Variants in WDTC1 observed in about 807,000 individuals in gnomAD.
WDTC1 encodes WD and tetratricopeptide repeats protein 1.
WDTC1 carries 12 observed loss-of-function variants against 76.0 expected under a neutral mutation model. The ratio of observed to expected loss-of-function variants is 0.16; its 90% CI spans 0.10 to 0.26. WDTC1 has a LOEUF of 0.26. Ranked by LOEUF, WDTC1 falls within the 10% of genes least tolerant of loss-of-function variation. The probability of loss-of-function intolerance (pLI) is 1.00; values close to 1 mark genes in which losing one functional copy is unlikely to be tolerated. For missense variants in WDTC1, 511 were observed against 908.8 expected (o/e 0.56, Z 5.63); for synonymous variants, 326 against 350.8 (o/e 0.93, Z 0.79).
chr1:27,243,430 C>T (rs965570030), intron 1 of WDTC1, among the ~76,000 whole-genome samples: 21 of 152,014 alleles, frequency 1.4e-4, no homozygotes, highest in African/African-American at 4.8e-4. Flanking sequence ...CCAGGCTGGT[C>T]TGGAACTCCT....
At chr1:27,289,117 G>T (rs1326147393) in intron 6 of WDTC1, among the ~76,000 whole-genome samples, 6 of 148,774 alleles carry the variant, frequency 4.0e-5, no homozygotes. Flanking sequence ...GGGGCGGCTG[G>T]CTGGGCAGAG....
chr1:27,260,833 C>T, intron 1 of WDTC1, 123 bp from the exon 2 acceptor site: 1 of 590,980 alleles, frequency 1.7e-6, no homozygotes, highest in South Asian at 2.2e-5. Flanking sequence ...CAGGGCCAGC[C>T]CACCATGCCA....
Position 27,303,778 on chromosome 1 carries a change from G to T in WDTC1, c.1626G>T (p.Glu542Asp). 6.2e-7 allele frequency: 1 copy of T among 1,614,048 alleles called. No homozygotes were observed. Among genetic ancestry groups the T allele is most frequent in the Non-Finnish European group, 8.5e-7 (1 of 1,179,964 alleles). Residue 542 changes from glutamate (E) to aspartate (D), a missense_variant, in exon 14 of 16, where the codon GAG (glutamate) becomes GAT (aspartate). Physicochemically the swap from Glu to Asp is conservative, Grantham distance 45 (BLOSUM62 2). Coordinates refer to ENST00000319394, the MANE Select transcript of WDTC1 (RefSeq NM_001276252.2). The surrounding 1 kb of genome is among the most constrained non-coding windows in gnomAD (Gnocchi z 4.8). Reference sequence around the variant, plus strand: ...GCAACACCACCACGGATATCAAAGAGGCCAATTTCTTTGGCAGGTCCGAGG... The same window carrying T: ...GCAACACCACCACGGATATCAAAGATGCCAATTTCTTTGGCAGGTCCGAGG... ...GHCNTTTDIKEANFFGSNAQY... is the reference protein window; with the variant it reads ...GHCNTTTDIKDANFFGSNAQY...
intron 7 of WDTC1, among the ~76,000 whole-genome samples, chr1:27,293,646 GGCTT>G (rs2013602023): frequency 6.6e-6 from 1 of 151,968 alleles, no homozygotes; most frequent in Admixed American, 6.6e-5. Flanking sequence ...CTCCAGCCTG[GGCTT>G]TCCATGATTC....
chr1:27,294,227 C>A, intron 8 of WDTC1, 111 bp downstream of exon 8: 3 of 1,149,520 alleles, frequency 2.6e-6, no homozygotes, highest in Non-Finnish European at 3.7e-6. Context: ...GTTTTAGAGT[C>A]AGACAGACCT....
At chr1:27,239,517 CAAAAAA>C (rs1165446864) in intron 1 of WDTC1, among the ~76,000 whole-genome samples, 1 of 40,566 alleles carries the variant, frequency 2.5e-5, no homozygotes, top group African/African-American at 1.0e-4. Context: ...GACCCTGTCT[CAAAAAA>C]AAAAAAAAAA....
Position 27,260,154 on chromosome 1 carries a change from G to A in WDTC1, c.-99-802G>A, listed in dbSNP as rs1162178416. ...GAGTCTCGCTCTGTCGCCCAGGCTG[G>A]AGTGCAGTGGCGCAATCTCGGCTCA... On this transcript the variant is annotated intron_variant, in intron 1 of 15. Coordinates refer to ENST00000319394, the MANE Select transcript of WDTC1 (RefSeq NM_001276252.2). Among the ~76,000 whole-genome samples, 7 of 152,202 alleles carry A rather than the reference G, an allele frequency of 4.6e-5. No homozygotes were observed. In the East Asian group the frequency reaches 5.8e-4, roughly 13 times the overall value.
intron 3 of WDTC1, among the ~76,000 whole-genome samples, chr1:27,270,000 G>T (rs546479658): frequency 6.6e-6 from 1 of 151,842 alleles, no homozygotes; most frequent in East Asian, 1.9e-4. Flanking sequence ...GCAGTGATGC[G>T]ATCATGGCTC....
intron 5 of WDTC1, among the ~76,000 whole-genome samples, chr1:27,287,212 C>A (rs2013366031): frequency 2.0e-5 from 3 of 151,818 alleles, no homozygotes; most frequent in Admixed American, 2.0e-4. Context: ...CTTAAACACT[C>A]AAAGTCTTTT....
intron 1 of WDTC1, among the ~76,000 whole-genome samples, chr1:27,258,543 A>G (rs1311525567): frequency 6.7e-6 from 1 of 150,254 alleles, no homozygotes; most frequent in Non-Finnish European, 1.5e-5. Context: ...AAAAAAAAAG[A>G]AAAAAAAAGA....
At chr1:27,245,592 CAG>C (rs926776438) in intron 1 of WDTC1, among the ~76,000 whole-genome samples, 1 of 149,496 alleles carries the variant, frequency 6.7e-6, no homozygotes. Flanking sequence ...ATTTTTGAGA[CAG>C]AGTCTTGCCC....
chr1:27,306,109 T>A lies in WDTC1; in HGVS notation c.1837-77T>A. On this transcript the variant is annotated intron_variant, in intron 15 of 15. Transcript: ENST00000319394. This position sits in a 1 kb window ranked among gnomAD's most constrained non-coding sequence, Gnocchi z 5.0. ...AGATAGTTTAGTCTGTGTATTTCCC[T>A]CCCCCTCCCCTATACGTGTACCCTG... 6.6e-7 allele frequency: 1 copy of A among 1,509,074 alleles called. No individual in the cohort carries two copies. Among genetic ancestry groups the A allele is most frequent in the Non-Finnish European group, 9.2e-7 (1 of 1,092,760 alleles). 93.5% of individuals were successfully genotyped at this position (1,509,074 alleles called of 1,614,324 possible).
intron 6 of WDTC1, among the ~76,000 whole-genome samples, chr1:27,289,178 C>G (rs2013446471): frequency 1.3e-5 from 2 of 150,290 alleles, no homozygotes; most frequent in East Asian, 2.0e-4. Context: ...CCCCTCACCT[C>G]CCGGACGGGG....
At chr1:27,269,096 T>A (rs1293585317) in intron 3 of WDTC1, among the ~76,000 whole-genome samples, 1 of 132,710 alleles carries the variant, frequency 7.5e-6, no homozygotes, top group African/African-American at 2.9e-5. Context: ...GAGGCTGAGA[T>A]GAGAGGATGG....
intron 12 of WDTC1, among the ~76,000 whole-genome samples, chr1:27,299,319 A>G (rs911067822): frequency 3.3e-5 from 5 of 152,196 alleles, no homozygotes; most frequent in African/African-American, 1.2e-4. Context: ...GACATAGTTC[A>G]GCATTAAAGA....
chr1:27,283,482 CCACAGATCAAGCACAAGA>C (rs2013249136), intron 5 of WDTC1, 33 bp downstream of exon 5: 1 of 1,603,090 alleles, frequency 6.2e-7, no homozygotes, highest in Non-Finnish European at 8.5e-7. Flanking sequence ...CAAGCACAAG[CCACAGATCAAGCACAAGA>C]GTGACTGGGC....
At chr1:27,280,850 C>T (rs1026439191) in intron 3 of WDTC1, among the ~76,000 whole-genome samples, 8 of 152,216 alleles carry the variant, frequency 5.3e-5, no homozygotes, top group Admixed American at 6.5e-5. Context: ...ACAGGCTTTG[C>T]CTGAAAGTCA....
At chr1:27,257,456 A>G (rs989161490) in intron 1 of WDTC1, among the ~76,000 whole-genome samples, 3 of 152,140 alleles carry the variant, frequency 2.0e-5, no homozygotes, top group African/African-American at 7.2e-5. Flanking sequence ...GTTATTTCCA[A>G]TGTAATCATC....
At chr1:27,251,175 G>A (rs1321030394) in intron 1 of WDTC1, among the ~76,000 whole-genome samples, 1 of 149,416 alleles carries the variant, frequency 6.7e-6, no homozygotes, top group Non-Finnish European at 1.5e-5. Context: ...ACAGGTGTGA[G>A]CGACCACACC....
Sources: gnomAD v4.1 joint callset for allele counts (sites outside exome capture counted in the v4.1 genomes callset) on GRCh38, gnomAD v4.1.1 for gene constraint, Gnocchi (gnomAD v3.1) non-coding constraint, MANE v1.5 for transcripts, NCBI Gene and HGNC (gene_info 2026-07-23, HGNC 2026-07-21) for gene names.